The following LOXHD1 variants were observed in gnomAD, a reference collection of about 807,000 sequenced individuals.
LOXHD1 encodes the protein lipoxygenase homology PLAT domains 1.
LOXHD1 carries 205 observed loss-of-function variants against 248.2 expected under a neutral mutation model. That is an observed-to-expected ratio of 0.83 (90% CI 0.74 to 0.93). LOXHD1 has a LOEUF of 0.93. Ranked by LOEUF, LOXHD1 falls within the 40% of genes least tolerant of loss-of-function variation. The pLI, the probability that LOXHD1 is intolerant of heterozygous loss-of-function variation, is 0.00. For missense variants in LOXHD1, 2,930 were observed against 2,971.6 expected (o/e 0.99, Z 0.33); for synonymous variants, 1,113 against 1,162.8 (o/e 0.96, Z 0.87).
At chr18:46,576,491 G>A (rs1012461480) in intron 14 of LOXHD1, among the ~76,000 whole-genome samples, 1 of 152,160 alleles carries the variant, frequency 6.6e-6, no homozygotes, top group East Asian at 1.9e-4. Context: ...TTCAGCCTAG[G>A]TGGCCCACCC....
At chr18:46,618,440 A>C in intron 4 of LOXHD1, 150 bp from the exon 5 acceptor site, 1 of 619,378 alleles carries the variant, frequency 1.6e-6, no homozygotes, top group Non-Finnish European at 2.9e-6. Context: ...AAAACAAGTC[A>C]GTCCACATTG....
Position 46,538,232 on chromosome 18 carries a change from T to C in LOXHD1, c.4019A>G (p.Gln1340Arg), listed in dbSNP as rs1171574978. The change falls in exon 26 of 41, where the codon CAG (glutamine) becomes CGG (arginine). Residue 1340 changes from glutamine to arginine, a missense_variant. Gln to Arg is a conservative substitution (Grantham distance 43). Transcript: ENST00000642948. ...CCTCTTGTTGGTACACAGATACTTC[T>C]GCTGGGTGCACACGGCATCGCAGCC... ...IYGCDAVCTQ[Q>R]KYLCTNKREQ... The C allele has an allele frequency of 6.4e-7, 1 of 1,550,516 alleles. No homozygotes were observed.
intron 21 of LOXHD1, among the ~76,000 whole-genome samples, chr18:46,555,830 G>A (rs2037304719): frequency 6.6e-6 from 1 of 152,046 alleles, no homozygotes; most frequent in African/African-American, 2.4e-5. Context: ...TGATTATGGG[G>A]CTGTGGCTTC....
At chr18:46,597,750 A>G (rs1362685439) in intron 8 of LOXHD1, among the ~76,000 whole-genome samples, 1 of 151,866 alleles carries the variant, frequency 6.6e-6, no homozygotes, top group East Asian at 1.9e-4. Context: ...TCATGAACAT[A>G]GAAAAATTCT....
intron 28 of LOXHD1, among the ~76,000 whole-genome samples, chr18:46,529,834 C>T (rs2035986412): frequency 6.6e-6 from 1 of 152,092 alleles, no homozygotes; most frequent in South Asian, 2.1e-4. Context: ...CATTTATTCT[C>T]CAACCCACTG....
At chr18:46,611,999 C>A (rs1286384527) in intron 5 of LOXHD1, among the ~76,000 whole-genome samples, 2 of 152,094 alleles carry the variant, frequency 1.3e-5, no homozygotes, top group Non-Finnish European at 2.9e-5. Flanking sequence ...TGTCACATAC[C>A]CTTATGCTAC....
At chr18:46,528,734 A>G (rs2035931365) in intron 29 of LOXHD1, among the ~76,000 whole-genome samples, 1 of 152,176 alleles carries the variant, frequency 6.6e-6, no homozygotes, top group Non-Finnish European at 1.5e-5. Context: ...AGGCCAGAGA[A>G]GTTGAAGCAG....
rs149739560 is a variant in LOXHD1, at chr18:46,608,035, GGGAA to G, written c.759+2737_759+2740del. ...TTAAAAACAAACACGGAAGGAAGGA[GGGAA>G]GGAAGGAAGGAAGGAAGGAAGGAAG... is the stretch of plus-strand genomic sequence containing the variant. On this transcript the variant is annotated intron_variant, in intron 6 of 40. Coordinates refer to ENST00000642948, the MANE Select transcript of LOXHD1 (RefSeq NM_001384474.1). 1.6e-3 allele frequency among the ~76,000 whole-genome samples: 177 copies of G among 111,358 alleles called. 1 individual carries two copies. Among genetic ancestry groups the G allele is most frequent in the South Asian group, 3.3e-3 (9 of 2,712 alleles). 73.1% of individuals were successfully genotyped at this position (111,358 alleles called of 152,430 possible). A position where few individuals can be genotyped will look rare whatever the true frequency, so the allele number is the denominator to read the frequency against.
rs193049708 is a variant in LOXHD1, at chr18:46,585,914, T to C, written c.1654+6019A>G. ...GACCCAGCAAATTCACTCTTAGGTATATGCTCAAGAGAACTGAAAATATGT... is the reference window on the plus strand; with the variant it reads ...GACCCAGCAAATTCACTCTTAGGTACATGCTCAAGAGAACTGAAAATATGT... On this transcript the variant is annotated intron_variant, in intron 12 of 40. Coordinates refer to ENST00000642948, the MANE Select transcript of LOXHD1 (RefSeq NM_001384474.1). Among the ~76,000 whole-genome samples, 700 of 152,348 alleles carry C rather than the reference T, an allele frequency of 4.6e-3. 2 individuals are homozygous for C. The highest frequency in any genetic ancestry group is 7.0e-3 in the Non-Finnish European group (478 of 68,032).
In LOXHD1 at chr18:46,523,586, G is replaced by A. The variant is rs116555874; in HGVS notation, c.4876+880C>T. Among the ~76,000 whole-genome samples the A allele has an allele frequency of 3.3e-3, 503 of 152,206 alleles. 3 individuals carry two copies. Among genetic ancestry groups the A allele is most frequent in the African/African-American group, 0.012 (483 of 41,536 alleles). On this transcript the variant is annotated intron_variant, in intron 31 of 40. Coordinates refer to ENST00000642948, the MANE Select transcript of LOXHD1 (RefSeq NM_001384474.1). Reference sequence around the variant, plus strand: ...TGATACAAGTTGGAAACCCTTCTCCGGGTTCATCTTTCTCAATAGCTTGGA... The same window carrying A: ...TGATACAAGTTGGAAACCCTTCTCCAGGTTCATCTTTCTCAATAGCTTGGA...
intron 14 of LOXHD1, among the ~76,000 whole-genome samples, 166 bp downstream of exon 14, chr18:46,577,541 G>T (rs2037881102): frequency 6.6e-6 from 1 of 152,148 alleles, no homozygotes; most frequent in South Asian, 2.1e-4. Flanking sequence ...AAGGGAATGT[G>T]AGGCTCAGGT....
chr18:46,509,716 C>G lies in LOXHD1; in HGVS notation c.5499G>C (p.Pro1833=), dbSNP rs753071566. 39 of 1,551,336 alleles carry G rather than the reference C, an allele frequency of 2.5e-5. No individual in the cohort carries two copies. The highest frequency in any genetic ancestry group is 2.3e-5 in the Non-Finnish European group (26 of 1,146,832). The change falls in exon 35 of 41, where the codon CCG becomes CCC. Residue 1833 remains proline, a synonymous_variant. Transcript: ENST00000642948. The stretch of plus-strand genomic sequence containing the variant: ...ATTTTACCCTCTCCAGGAACCACTC[C>G]GGCCGACTGCCCAGGCCATCAATCC... The part of the protein sequence containing the change: ...RIRIDGLGSR[P]EWFLERILLK...
intron 23 of LOXHD1, chr18:46,544,793 G>A (rs1255499381): frequency 2.1e-6 from 1 of 471,242 alleles, no homozygotes; most frequent in Admixed American, 2.3e-5. Context: ...CCATGGTCAA[G>A]GGTTAGGTCC....
rs1381132972 is a variant in LOXHD1, at chr18:46,538,260, AGAT to A, written c.3988_3990del (p.Ile1330del). The A allele has an allele frequency of 3.2e-6, 5 of 1,551,382 alleles. No individual in the cohort carries two copies. Among genetic ancestry groups the A allele is most frequent in the African/African-American group, 1.4e-5 (1 of 73,038 alleles). On this transcript the variant is annotated inframe_deletion, in exon 26 of 41. Transcript: ENST00000642948. ...TGGGTGCACACGGCATCGCAGCCAT[AGAT>A]GATGATGAAGATGTTGGCATCTGTC...
At chr18:46,652,649 C>T (rs2039127028) in intron 1 of LOXHD1, among the ~76,000 whole-genome samples, 3 of 152,196 alleles carry the variant, frequency 2.0e-5, no homozygotes, top group African/African-American at 4.8e-5. Context: ...TCACTTGTGA[C>T]CCAGCAATTC....
In LOXHD1 at chr18:46,593,007, T is replaced by C. The variant is rs549210272; in HGVS notation, c.1432-423A>G. Among the ~76,000 whole-genome samples the C allele has an allele frequency of 2.6e-5, 4 of 152,252 alleles. No homozygotes were observed. The South Asian group carries it at 8.3e-4, about 32-fold the overall frequency. On this transcript the variant is annotated intron_variant, in intron 10 of 40. Transcript: ENST00000642948. ...GTCATGCCCTTTCTCTAGGGGCTCA[T>C]AGTCTAGCAGAAAAGATAAATATAT...
At chr18:46,639,432 T>G (rs1262802469) in intron 4 of LOXHD1, among the ~76,000 whole-genome samples, 184 bp downstream of exon 4, 2 of 152,210 alleles carry the variant, frequency 1.3e-5, no homozygotes, top group East Asian at 3.8e-4. Context: ...GCATAAAAAG[T>G]TGCCCATAGG....
intron 36 of LOXHD1, among the ~76,000 whole-genome samples, chr18:46,506,684 C>A (rs1024190175): frequency 2.0e-5 from 3 of 152,180 alleles, no homozygotes; most frequent in African/African-American, 7.2e-5. Flanking sequence ...AAAGGAGGTA[C>A]CCCCAACAAA....
chr18:46,632,884 A>G (rs2038844899), intron 4 of LOXHD1, among the ~76,000 whole-genome samples: 1 of 152,062 alleles, frequency 6.6e-6, no homozygotes, highest in South Asian at 2.1e-4. Flanking sequence ...GTGATGTCTG[A>G]CTGAACCATT....
Sources: allele counts gnomAD v4.1 joint callset (sites outside exome capture counted in the v4.1 genomes callset), GRCh38; gene constraint gnomAD v4.1.1; transcripts MANE v1.5; gene names NCBI Gene and HGNC (gene_info 2026-07-23, HGNC 2026-07-21).